BSN: variants seen among roughly 807,000 people sequenced by gnomAD.
BSN encodes the protein protein bassoon.
In BSN, 57 loss-of-function variants were observed where a neutral mutation model predicts 264.8. The ratio of observed to expected loss-of-function variants is 0.22; its 90% confidence interval spans 0.17 to 0.27. The LOEUF is 0.27. Ranked by LOEUF, BSN falls within the 10% of genes least tolerant of loss-of-function variation. The pLI is 1.00. For missense variants in BSN, 4,615 were observed against 5,232.5 expected, an observed-to-expected ratio of 0.88 and a Z score of 3.64; for synonymous variants, 2,059 against 2,137.3, an observed-to-expected ratio of 0.96 and a Z score of 1.01.
chr3:49,636,555 C>T (rs952537584), intron 2 of BSN, among the ~76,000 whole-genome samples: 3 of 152,286 alleles, frequency 2.0e-5, no homozygotes, highest in East Asian at 1.9e-4. Flanking sequence ...AGCAAGGGGA[C>T]GGATCCTCTC....
chr3:49,608,126 A>G (rs957585446), intron 1 of BSN, among the ~76,000 whole-genome samples: 6 of 152,240 alleles, frequency 3.9e-5, no homozygotes, highest in Non-Finnish European at 7.3e-5. Context: ...GGGAGAATCT[A>G]GAAATGAACC....
chr3:49,626,314 T>C (rs1312591831), intron 2 of BSN, among the ~76,000 whole-genome samples: 2 of 152,106 alleles, frequency 1.3e-5, no homozygotes, highest in African/African-American at 2.4e-5. Flanking sequence ...TGGCTGCCTC[T>C]GGGATTAACA....
chr3:49,652,002 G>A lies in BSN; in HGVS notation c.2446G>A (p.Glu816Lys). The A allele has an allele frequency of 6.2e-7, 1 of 1,613,240 alleles. No individual in the cohort carries two copies. The highest frequency in any genetic ancestry group is 8.5e-7 in the Non-Finnish European group (1 of 1,179,452). Residue 816 changes from glutamate to lysine, a missense_variant, in exon 5 of 12, where the codon GAG (glutamate) becomes AAG (lysine). By Grantham distance (56) the Glu-to-Lys change is moderately conservative. Around this residue, in one of 3 missense-constraint regions of BSN, gnomAD observed 1,197 missense variants for 1,348.0 expected, o/e 0.89. Coordinates refer to ENST00000296452, the MANE Select transcript of BSN (RefSeq NM_003458.4). ...CAGCCAATTGAGGCACGACTATGTG[G>A]AGGACAGCAGTGAGGGTGGCCTGTC... Reference protein sequence around the residue: ...FGSQLRHDYVEDSSEGGLSPL... With the variant: ...FGSQLRHDYVKDSSEGGLSPL...
chr3:49,603,687 C>T (rs1017913032), intron 1 of BSN, among the ~76,000 whole-genome samples: 3 of 152,186 alleles, frequency 2.0e-5, no homozygotes, highest in East Asian at 1.9e-4. Flanking sequence ...TTCTCTCTTT[C>T]TCTGTGAATT....
intron 3 of BSN, among the ~76,000 whole-genome samples, chr3:49,646,729 C>T (rs1486932939): frequency 6.6e-6 from 1 of 152,136 alleles, no homozygotes; most frequent in Non-Finnish European, 1.5e-5. Context: ...GTGGATGGAC[C>T]CTGTGGCTGG....
At chr3:49,615,657 G>C (rs1268482828) in intron 1 of BSN, among the ~76,000 whole-genome samples, 1 of 152,196 alleles carries the variant, frequency 6.6e-6, no homozygotes, top group Non-Finnish European at 1.5e-5. Context: ...GGCTCTTTCT[G>C]TGGCTGTGGC....
At chr3:49,608,159 C>T (rs537853971) in intron 1 of BSN, among the ~76,000 whole-genome samples, 12 of 152,100 alleles carry the variant, frequency 7.9e-5, no homozygotes, top group South Asian at 2.1e-4. Context: ...CTGACTCTCA[C>T]GGGCTGAGAG....
At chr3:49,659,421 G>A (rs961325813) in intron 5 of BSN, among the ~76,000 whole-genome samples, 5 of 152,266 alleles carry the variant, frequency 3.3e-5, no homozygotes, top group East Asian at 1.9e-4. Context: ...TCCATAAAAG[G>A]CCCACCCTGA....
chr3:49,625,308 C>A lies in BSN; in HGVS notation c.558C>A (p.Asn186Lys), dbSNP rs1461509531. ...SDLTSTPSQP[N>K]FNTCTQCHNK... ...TCACGTCGACCCCCAGCCAGCCAAA[C>A]TTCAACACCTGCACCCAGTGTCACA... The change falls in exon 2 of 12, where the codon AAC (asparagine) becomes AAA (lysine). Residue 186 changes from asparagine (N) to lysine (K), a missense_variant. By Grantham distance (94) the Asn-to-Lys change is moderately conservative. Coordinates refer to ENST00000296452, the MANE Select transcript of BSN (RefSeq NM_003458.4). This position sits in a 1 kb window ranked among gnomAD's most constrained non-coding sequence, Gnocchi z 4.4. 1 of 1,598,924 alleles carries A rather than the reference C, an allele frequency of 6.3e-7. No homozygotes were observed. The highest frequency in any genetic ancestry group is 1.1e-5 in the South Asian group (1 of 88,134).
chr3:49,655,548 G>C lies in BSN; in HGVS notation c.5992G>C (p.Ala1998Pro). The stretch of plus-strand genomic sequence containing the variant: ...GGCTGAGGCTGGCCTCAACTACCAT[G>C]CCCAGAGGATCGGGCAGCTCTTCCA... ...NLAEAGLNYH[A>P]QRIGQLFQGP... Residue 1998 changes from alanine (A) to proline (P), a missense_variant, in exon 5 of 12, where the codon GCC (alanine) becomes CCC (proline). By Grantham distance (27) the Ala-to-Pro change is conservative. Coordinates refer to ENST00000296452, the MANE Select transcript of BSN (RefSeq NM_003458.4). 1 of 1,613,114 alleles carries C rather than the reference G, an allele frequency of 6.2e-7. No homozygotes were observed. Among genetic ancestry groups the C allele is most frequent in the Non-Finnish European group, 8.5e-7 (1 of 1,179,736 alleles).
intron 1 of BSN, among the ~76,000 whole-genome samples, chr3:49,562,904 T>C (rs1041693538): frequency 6.6e-6 from 1 of 152,196 alleles, no homozygotes; most frequent in Admixed American, 6.5e-5. Flanking sequence ...TAAACTTGGC[T>C]ATGCACGTTG....
chr3:49,601,427 A>C (rs115028472), intron 1 of BSN, among the ~76,000 whole-genome samples: 1 of 152,278 alleles, frequency 6.6e-6, no homozygotes, highest in African/African-American at 2.4e-5. Context: ...CCAAGGTTTC[A>C]TGGGGTGTAC....
Position 49,642,617 on chromosome 3 carries a change from G to T in BSN, c.983G>T (p.Ser328Ile). The change falls in exon 3 of 12, where the codon AGT becomes ATT. Residue 328 changes from serine to isoleucine, a missense_variant. Physicochemically the swap from Ser to Ile is moderately radical, Grantham distance 142. Transcript: ENST00000296452. This position sits in a 1 kb window ranked among gnomAD's most constrained non-coding sequence, Gnocchi z 7.0. The part of the protein sequence containing the change: ...RPPAGEAPAK[S>I]ATAVPAGLGA... ...CCTGCAGGAGAGGCCCCGGCCAAAA[G>T]TGCCACCGCAGTGCCCGCTGGGCTT... 6.2e-7 allele frequency: 1 copy of T among 1,603,294 alleles called. No homozygotes were observed. Among genetic ancestry groups the T allele is most frequent in the South Asian group, 1.1e-5 (1 of 90,156 alleles).
At chr3:49,581,696 C>T (rs547117633) in intron 1 of BSN, among the ~76,000 whole-genome samples, 24 of 152,052 alleles carry the variant, frequency 1.6e-4, no homozygotes, top group South Asian at 6.2e-4. Context: ...TGGTGGCACG[C>T]GCCTGTAGTC....
chr3:49,662,931 C>T lies in BSN; in HGVS notation c.10773C>T (p.Arg3591=), dbSNP rs770494631. Residue 3591 remains arginine, a synonymous_variant, in exon 7 of 12, where the codon CGC becomes CGT. Transcript: ENST00000296452. ...TDWFDKPRDA[R]SDRFRHHGGH... ...GGTTTGATAAGCCCCGGGATGCCCG[C>T]TCTGACCGGTTCAGGCACCACGGGG... The T allele has an allele frequency of 6.2e-7, 1 of 1,613,222 alleles. No individual in the cohort carries two copies. The highest frequency in any genetic ancestry group is 1.1e-5 in the South Asian group (1 of 90,954).
chr3:49,560,227 G>C (rs2051702011), intron 1 of BSN, among the ~76,000 whole-genome samples: 1 of 152,136 alleles, frequency 6.6e-6, no homozygotes, highest in Admixed American at 6.5e-5. Flanking sequence ...CCTCTTGTTA[G>C]TTGTGGGGGT....
At chr3:49,593,342 A>G (rs2051995007) in intron 1 of BSN, among the ~76,000 whole-genome samples, 1 of 152,236 alleles carries the variant, frequency 6.6e-6, no homozygotes, top group African/African-American at 2.4e-5. Flanking sequence ...GTCTATTACA[A>G]ATAAACCTTT....
chr3:49,621,888 C>A (rs553053966), intron 1 of BSN, among the ~76,000 whole-genome samples: 1 of 152,158 alleles, frequency 6.6e-6, no homozygotes, highest in East Asian at 1.9e-4. Flanking sequence ...CCTTGCCAGG[C>A]AAGTGGAGAT....
In BSN at chr3:49,652,412, A is replaced by G. The variant is rs1413310168; in HGVS notation, c.2856A>G (p.Pro952=). The change falls in exon 5 of 12, where the codon CCA becomes CCG. Residue 952 remains proline, a synonymous_variant. Coordinates refer to ENST00000296452, the MANE Select transcript of BSN (RefSeq NM_003458.4). ...ATGAGTTGGACCTGGGCCAAGGCCC[A>G]GACCCCAGTCTGGACCGGGAGCCTG... ...YGHELDLGQG[P]DPSLDREPEL... The G allele has an allele frequency of 6.2e-7, 1 of 1,611,302 alleles. No individual in the cohort carries two copies. Among genetic ancestry groups the G allele is most frequent in the Non-Finnish European group, 8.5e-7 (1 of 1,178,748 alleles).
Sources: allele counts gnomAD v4.1 joint callset (sites outside exome capture counted in the v4.1 genomes callset), GRCh38; gene constraint gnomAD v4.1.1; regional missense constraint gnomAD v4.1.1; non-coding constraint Gnocchi (gnomAD v3.1); transcripts MANE v1.5; gene names NCBI Gene and HGNC (gene_info 2026-07-23, HGNC 2026-07-21).